The following EDA variants were observed in gnomAD, a reference collection of about 807,000 sequenced individuals.
EDA encodes ectodysplasin-A.
A neutral mutation model predicts 23.6 loss-of-function variants in EDA; 2 were observed. That is an observed-to-expected ratio of 0.08 (90% CI 0.03 to 0.27). The LOEUF is 0.27. Among genes scored for constraint, EDA ranks in the 10% least tolerant of loss-of-function variants. EDA has a pLI of 1.00. For synonymous variants in EDA, 131 were observed against 132.0 expected (o/e 0.99, Z 0.05); for missense variants, 229 against 324.2 (o/e 0.71, Z 2.26).
chrX:69,888,978 T>TTATATA (rs935436674), intron 1 of EDA, among the ~76,000 whole-genome samples: 405 of 15,963 alleles, frequency 0.025, 27 homozygotes, highest in African/African-American at 0.039. Flanking sequence ...TGTGGGGTAG[T>TTATATA]TATATATATA....
chrX:69,977,657 G>T (rs1388814970), intron 2 of EDA, among the ~76,000 whole-genome samples: 1 of 111,898 alleles, frequency 8.9e-6, no homozygotes, highest in African/African-American at 3.2e-5. Flanking sequence ...AAGAGTTTTG[G>T]ATATTAATGG....
At chrX:69,800,670 T>G (rs1490357534) in intron 1 of EDA, among the ~76,000 whole-genome samples, 1 of 111,903 alleles carries the variant, frequency 8.9e-6, no homozygotes, top group African/African-American at 3.2e-5. Flanking sequence ...CAGCCACCAA[T>G]ATAGTATGTT....
At chrX:69,659,907 A>AT (rs1452542366) in intron 1 of EDA, among the ~76,000 whole-genome samples, 2 of 110,998 alleles carry the variant, frequency 1.8e-5, no homozygotes, top group Non-Finnish European at 3.8e-5. Context: ...AGGAATGTGT[A>AT]TTTTTAAAAG....
intron 1 of EDA, among the ~76,000 whole-genome samples, chrX:69,884,534 T>A: frequency 8.9e-6 from 1 of 112,635 alleles, no homozygotes; most frequent in Non-Finnish European, 1.9e-5. Context: ...CTTTACAGAT[T>A]TGCTTATTCT....
chrX:69,879,875 CTG>C (rs2017716930), intron 1 of EDA, among the ~76,000 whole-genome samples: 1 of 111,800 alleles, frequency 8.9e-6, no homozygotes, highest in South Asian at 3.8e-4. Context: ...AGGCCACAAA[CTG>C]TGAAAAATCT....
At position 69,710,215 on chromosome X, in the gene EDA, G is replaced by T. The variant is rs370044384; in HGVS notation, c.396+93511G>T. ...GATCCAGTTTCAGCTTTCTACATATGGCTAGCCAGTTTTCCCAGCACCATT... is the reference window on the plus strand; with the variant it reads ...GATCCAGTTTCAGCTTTCTACATATTGCTAGCCAGTTTTCCCAGCACCATT... On this transcript the variant is annotated intron_variant, in intron 1 of 7. Transcript: ENST00000374552. Among the ~76,000 whole-genome samples, 44 of 110,059 alleles carry T rather than the reference G, an allele frequency of 4.0e-4. 1 individual carries two copies. The East Asian group carries it at 0.011, about 29-fold the overall frequency.
intron 2 of EDA, among the ~76,000 whole-genome samples, chrX:69,980,724 A>G (rs1232931851): frequency 4.4e-5 from 5 of 112,462 alleles, no homozygotes; most frequent in Non-Finnish European, 7.5e-5. Context: ...TCCAGGCACT[A>G]TGGTAGGCAC....
intron 1 of EDA, among the ~76,000 whole-genome samples, chrX:69,709,361 T>A (rs1247925594): frequency 2.7e-5 from 3 of 111,974 alleles, no homozygotes; most frequent in African/African-American, 6.5e-5. Flanking sequence ...TTTTAGCATT[T>A]GGCTAGGGAC....
At chrX:69,750,715 C>G (rs1334927129) in intron 1 of EDA, among the ~76,000 whole-genome samples, 1 of 111,633 alleles carries the variant, frequency 9.0e-6, no homozygotes, top group East Asian at 2.8e-4. Context: ...GATCGCCATT[C>G]TAACTAGTGT....
At chrX:69,661,664 T>C (rs1933512250) in intron 1 of EDA, among the ~76,000 whole-genome samples, 2 of 110,813 alleles carry the variant, frequency 1.8e-5, no homozygotes, top group Non-Finnish European at 3.8e-5. Context: ...TGTAGATGTG[T>C]GGTATTATTT....
chrX:69,954,221 T>C (rs1264164845), intron 1 of EDA, among the ~76,000 whole-genome samples: 2 of 111,574 alleles, frequency 1.8e-5, no homozygotes, highest in African/African-American at 3.3e-5. Context: ...AAGCTACTTA[T>C]AGTTCCAAAA....
At chrX:69,784,699 G>C (rs1309315777) in intron 1 of EDA, among the ~76,000 whole-genome samples, 104 of 105,393 alleles carry the variant, frequency 9.9e-4, no homozygotes, top group South Asian at 5.7e-3. Flanking sequence ...CTGTAGCCTT[G>C]TAGTATAGTT....
At chrX:69,804,114 G>A (rs947842770) in intron 1 of EDA, among the ~76,000 whole-genome samples, 18 of 110,957 alleles carry the variant, frequency 1.6e-4, no homozygotes, top group Non-Finnish European at 3.2e-4. Flanking sequence ...TAGTGCTGCA[G>A]TAAACATGGG....
chrX:69,671,292 C>T (rs995002165), intron 1 of EDA, among the ~76,000 whole-genome samples: 3 of 111,334 alleles, frequency 2.7e-5, no homozygotes, highest in Admixed American at 9.6e-5. Flanking sequence ...TAGGGATCCT[C>T]CTGGTCTTAC....
chrX:69,944,121 G>A (rs1032395815), intron 1 of EDA, among the ~76,000 whole-genome samples: 11 of 110,767 alleles, frequency 9.9e-5, no homozygotes, highest in African/African-American at 1.3e-4. Context: ...TCCAAGAGCC[G>A]AGGCCTAGAA....
At chrX:69,972,654 CT>C (rs2019263825) in intron 2 of EDA, among the ~76,000 whole-genome samples, 1 of 111,634 alleles carries the variant, frequency 9.0e-6, no homozygotes, top group Admixed American at 9.5e-5. Flanking sequence ...GAACATGCTT[CT>C]TGATCTCTCA....
chrX:70,021,155 T>C lies in EDA; in HGVS notation c.503-2063T>C, dbSNP rs368164831. On this transcript the variant is annotated intron_variant, in intron 2 of 7. Transcript: ENST00000374552. The stretch of plus-strand genomic sequence containing the variant: ...ATTCCTGAAGCCACTCCCTCATCTT[T>C]TGTATTTCCCTATTCAACTGTAAGT... Among the ~76,000 whole-genome samples, 5 of 112,289 alleles carry C rather than the reference T, an allele frequency of 4.5e-5. No homozygotes were observed. In the South Asian group the frequency reaches 1.5e-3, roughly 33 times the overall value.
chrX:69,864,962 C>T (rs2017461338), intron 1 of EDA, among the ~76,000 whole-genome samples: 1 of 110,999 alleles, frequency 9.0e-6, no homozygotes, highest in Admixed American at 9.6e-5. Flanking sequence ...GCACTCCAGC[C>T]TGGGTGACAG....
chrX:69,736,960 A>G (rs1305798283), intron 1 of EDA, among the ~76,000 whole-genome samples: 1 of 107,923 alleles, frequency 9.3e-6, no homozygotes, highest in Non-Finnish European at 1.9e-5. Flanking sequence ...TTTAGTAGAG[A>G]TGGGTTTCAC....
Sources: allele counts gnomAD v4.1 joint callset (sites outside exome capture counted in the v4.1 genomes callset), GRCh38; gene constraint gnomAD v4.1.1; transcripts MANE v1.5; gene names NCBI Gene and HGNC (gene_info 2026-07-23, HGNC 2026-07-21).